The following LMX1B variants were observed in gnomAD, a reference collection of about 807,000 sequenced individuals.
LMX1B encodes LIM homeobox transcription factor 1-beta.
Under a neutral mutation model 51.4 loss-of-function variants are expected in LMX1B, and 12 were observed. The ratio of observed to expected loss-of-function variants is 0.23; its 90% CI spans 0.15 to 0.38. The LOEUF (loss-of-function observed/expected upper bound fraction) is 0.38. Ranked by LOEUF, LMX1B falls within the 10% of genes least tolerant of loss-of-function variation. The pLI is 1.00. For missense variants in LMX1B, 445 were observed against 571.1 expected, an observed-to-expected ratio of 0.78 and a Z score of 2.25; for synonymous variants, 237 against 235.4, an observed-to-expected ratio of 1.01 and a Z score of -0.06.
In LMX1B at chr9:126,675,787, C is replaced by G. The variant is rs558697541; in HGVS notation, c.327-15049C>G. Among the ~76,000 whole-genome samples, 11 of 149,278 alleles carry G rather than the reference C, an allele frequency of 7.4e-5. No individual in the cohort carries two copies. The South Asian group carries it at 2.1e-3, about 29-fold the overall frequency. On this transcript the variant is annotated intron_variant, in intron 2 of 7. Transcript: ENST00000373474. Reference sequence around the variant, plus strand: ...TCAGTAGGCCGGGCGCGGTGGCTCACGCCTGTAATCCCAGCACTTTGGGAG... The same window carrying G: ...TCAGTAGGCCGGGCGCGGTGGCTCAGGCCTGTAATCCCAGCACTTTGGGAG...
chr9:126,693,798 A>G lies in LMX1B; in HGVS notation c.872A>G (p.Gln291Arg). 1 of 1,393,458 alleles carries G rather than the reference A, an allele frequency of 7.2e-7. No individual in the cohort carries two copies. The highest frequency in any genetic ancestry group is 9.9e-7 in the Non-Finnish European group (1 of 1,012,854). 86.3% of individuals were successfully genotyped at this position (1,393,458 alleles called of 1,614,324 possible). The change falls in exon 6 of 8, where the codon CAG becomes CGG. Residue 291 changes from glutamine (Q) to arginine (R), a missense_variant. Physicochemically the swap from Gln to Arg is conservative, Grantham distance 43. Around this residue, in one of 3 missense-constraint regions of LMX1B, gnomAD observed 162 missense variants for 187.8 expected, o/e 0.86. Transcript: ENST00000373474. ...CAGCAGCAGGAGCAGCAGAACTCCC[A>G]GCGGCTGGGCCAGGGTGAGCCGGGG... ...HQQQQEQQNSQRLGQEVLSSR... is the reference protein window; with the variant it reads ...HQQQQEQQNSRRLGQEVLSSR...
chr9:126,638,890 A>T (rs1040219790), intron 2 of LMX1B, among the ~76,000 whole-genome samples: 8 of 152,096 alleles, frequency 5.3e-5, no homozygotes, highest in Admixed American at 3.3e-4. Flanking sequence ...GGAGGTGCCT[A>T]ATCCTATTGG....
chr9:126,655,241 T>G (rs1210952317), intron 2 of LMX1B, among the ~76,000 whole-genome samples: 1 of 152,254 alleles, frequency 6.6e-6, no homozygotes, highest in Non-Finnish European at 1.5e-5. Flanking sequence ...CTGCTTGGCC[T>G]CAGAGGCCTT....
In LMX1B at chr9:126,690,518, A is replaced by G. The variant is rs10116233; in HGVS notation, c.327-318A>G. On this transcript the variant is annotated intron_variant, in intron 2 of 7. Coordinates refer to ENST00000373474, the MANE Select transcript of LMX1B (RefSeq NM_001174147.2). ...CAGCCAGGGGCTGACCTGGCCCCCA[A>G]GGAAAGTTTGAGTGGACCCTCCACA... is the stretch of plus-strand genomic sequence containing the variant. Among the ~76,000 whole-genome samples the G allele has an allele frequency of 0.46, 70,211 of 152,130 alleles. 16,565 individuals are homozygous for G. Among genetic ancestry groups the G allele is most frequent in the Middle Eastern group, 0.55 (163 of 294 alleles).
At position 126,696,512 on chromosome 9, in the gene LMX1B, GC is replaced by G; in HGVS notation, c.*63del. 6.3e-7 allele frequency: 1 copy of G among 1,587,798 alleles called. No individual in the cohort carries two copies. The highest frequency in any genetic ancestry group is 8.6e-7 in the Non-Finnish European group (1 of 1,157,844). The stretch of plus-strand genomic sequence containing the variant: ...CTGGGGGGGACTGCCAGCCTCTGCG[GC>G]CAGCCTGGCCACCCCCGCCCTGCTC... On this transcript the variant is annotated 3_prime_UTR_variant, in exon 8 of 8. Coordinates refer to ENST00000373474, the MANE Select transcript of LMX1B (RefSeq NM_001174147.2).
At chr9:126,644,227 C>G (rs1394441214) in intron 2 of LMX1B, among the ~76,000 whole-genome samples, 4 of 152,210 alleles carry the variant, frequency 2.6e-5, no homozygotes, top group African/African-American at 9.7e-5. Context: ...GAGTCTCCCC[C>G]ATCAGCTCAG....
At chr9:126,647,204 C>T (rs932399001) in intron 2 of LMX1B, among the ~76,000 whole-genome samples, 1 of 151,656 alleles carries the variant, frequency 6.6e-6, no homozygotes, top group Non-Finnish European at 1.5e-5. Context: ...CAGAGTGAGA[C>T]TCCATCTCAA....
chr9:126,665,263 G>A (rs1177316952), intron 2 of LMX1B, among the ~76,000 whole-genome samples: 6 of 152,226 alleles, frequency 3.9e-5, no homozygotes, highest in African/African-American at 9.6e-5. Context: ...GGGGAGGGGC[G>A]GTGCAGCCTG....
chr9:126,628,688 G>T (rs1835577772), intron 2 of LMX1B, among the ~76,000 whole-genome samples: 2 of 152,200 alleles, frequency 1.3e-5, no homozygotes, highest in South Asian at 2.1e-4. Flanking sequence ...ATTCTCTAAA[G>T]TCAGGCATGA....
intron 2 of LMX1B, among the ~76,000 whole-genome samples, chr9:126,652,331 T>C (rs1323079162): frequency 6.6e-6 from 1 of 151,926 alleles, no homozygotes; most frequent in Non-Finnish European, 1.5e-5. Context: ...CCCGGCCTGC[T>C]TATCTGATCA....
intron 2 of LMX1B, among the ~76,000 whole-genome samples, chr9:126,659,041 T>C (rs918934201): frequency 6.6e-6 from 1 of 152,184 alleles, no homozygotes; most frequent in Admixed American, 6.5e-5. Flanking sequence ...AGGTATCCTC[T>C]CCTTCATGCA....
At chr9:126,666,631 CGTA>C (rs1564160691) in intron 2 of LMX1B, among the ~76,000 whole-genome samples, 1 of 152,212 alleles carries the variant, frequency 6.6e-6, no homozygotes, top group Non-Finnish European at 1.5e-5. Flanking sequence ...ACGTGCTTTA[CGTA>C]CGCATGTTCT....
rs1455599177 is a variant in LMX1B at position 126,625,651 on chromosome 9, A to AC, written c.326+10087dup. On this transcript the variant is annotated intron_variant, in intron 2 of 7. Coordinates refer to ENST00000373474, the MANE Select transcript of LMX1B (RefSeq NM_001174147.2). The surrounding 1 kb of genome is among the most constrained non-coding windows in gnomAD (Gnocchi z 5.3). ...TTCCGAGGGTGAATTCCTTTGTTCC[A>AC]CCCCCACGGAAACCCTCTTCTCCGC... Among the ~76,000 whole-genome samples, 19 of 151,104 alleles carry AC rather than the reference A, an allele frequency of 1.3e-4. No individual in the cohort carries two copies. Among genetic ancestry groups the AC allele is most frequent in the Non-Finnish European group, 2.8e-4 (19 of 67,796 alleles).
intron 2 of LMX1B, among the ~76,000 whole-genome samples, chr9:126,674,746 A>G (rs1205480491): frequency 6.6e-6 from 1 of 152,150 alleles, no homozygotes; most frequent in Non-Finnish European, 1.5e-5. Flanking sequence ...GGAACTCCCT[A>G]CATGGCTCTC....
At chr9:126,667,747 G>T (rs754193730) in intron 2 of LMX1B, among the ~76,000 whole-genome samples, 1 of 152,218 alleles carries the variant, frequency 6.6e-6, no homozygotes, top group African/African-American at 2.4e-5. Flanking sequence ...GACCAAGACC[G>T]TGTGCCTTCA....
intron 2 of LMX1B, among the ~76,000 whole-genome samples, chr9:126,652,009 G>GC (rs1836020658): frequency 1.3e-5 from 2 of 151,680 alleles, no homozygotes; most frequent in Admixed American, 6.6e-5. Flanking sequence ...ATGGGGGGGG[G>GC]CCTGCCTGCG....
chr9:126,682,894 GAAAAAAAAA>G (rs577172677), intron 2 of LMX1B, among the ~76,000 whole-genome samples: 2 of 86,132 alleles, frequency 2.3e-5, no homozygotes, highest in South Asian at 5.0e-4. Context: ...CACTCTGTCT[GAAAAAAAAA>G]AAAAAAAAAA....
At chr9:126,690,752 G>A (rs555887917) in intron 2 of LMX1B, 84 bp from the exon 3 acceptor site, 13 of 1,236,120 alleles carry the variant, frequency 1.1e-5, no homozygotes, top group Non-Finnish European at 1.5e-5. Flanking sequence ...GGTCAGGGTG[G>A]CAAGAGGGAG....
At chr9:126,674,973 G>A (rs373423697) in intron 2 of LMX1B, among the ~76,000 whole-genome samples, 23 of 152,176 alleles carry the variant, frequency 1.5e-4, no homozygotes, top group South Asian at 4.1e-4. Flanking sequence ...CCACAAGACC[G>A]TCAACAGGGC....
Sources: gnomAD v4.1 joint callset for allele counts (sites outside exome capture counted in the v4.1 genomes callset) on GRCh38, gnomAD v4.1.1 for gene constraint, gnomAD v4.1.1 regional missense constraint, Gnocchi (gnomAD v3.1) non-coding constraint, MANE v1.5 for transcripts, NCBI Gene and HGNC (gene_info 2026-07-23, HGNC 2026-07-21) for gene names.